SORCS3: variants seen among roughly 807,000 people sequenced by gnomAD.
The protein encoded by SORCS3 is VPS10 domain-containing receptor SorCS3.
Under a neutral mutation model 146.3 loss-of-function variants are expected in SORCS3, and 57 were observed. The observed-to-expected ratio is 0.39, with a 90% CI of 0.31 to 0.49. The LOEUF (loss-of-function observed/expected upper bound fraction) is 0.49, where lower values mean the gene tolerates loss of function less well. Among genes scored for constraint, SORCS3 ranks in the 20% least tolerant of loss-of-function variants. The pLI is 0.92. For missense variants in SORCS3, 1,341 were observed against 1,575.5 expected, an observed-to-expected ratio of 0.85 and a Z score of 2.52; for synonymous variants, 653 against 618.5, an observed-to-expected ratio of 1.06 and a Z score of -0.83.
intron 4 of SORCS3, among the ~76,000 whole-genome samples, chr10:105,014,112 C>CACAT (rs1564734934): frequency 1.4e-5 from 2 of 147,238 alleles, no homozygotes; most frequent in South Asian, 4.2e-4. Context: ...TATATATACA[C>CACAT]ATATATATAC....
intron 2 of SORCS3, among the ~76,000 whole-genome samples, chr10:104,912,604 T>A (rs1336007486): frequency 6.6e-6 from 1 of 152,210 alleles, no homozygotes; most frequent in Non-Finnish European, 1.5e-5. Flanking sequence ...GTTAAAAACT[T>A]GTGAGTAGGT....
chr10:104,745,654 A>T (rs1446774242), intron 1 of SORCS3, among the ~76,000 whole-genome samples: 1 of 152,202 alleles, frequency 6.6e-6, no homozygotes, highest in Non-Finnish European at 1.5e-5. Context: ...GACCACAGGC[A>T]CTATGCTGCG....
chr10:104,908,939 C>T (rs1589545380), intron 2 of SORCS3, among the ~76,000 whole-genome samples: 2 of 152,092 alleles, frequency 1.3e-5, no homozygotes, highest in South Asian at 4.1e-4. Context: ...GATGTGGCAG[C>T]CAGGCAGGGA....
At chr10:105,126,272 C>T (rs1004504872) in intron 7 of SORCS3, among the ~76,000 whole-genome samples, 6 of 152,106 alleles carry the variant, frequency 3.9e-5, no homozygotes, top group Non-Finnish European at 7.4e-5. Flanking sequence ...TCTTTCCATT[C>T]CCCCAAAACT....
At chr10:104,684,001 G>C (rs1288079235) in intron 1 of SORCS3, among the ~76,000 whole-genome samples, 1 of 152,174 alleles carries the variant, frequency 6.6e-6, no homozygotes, top group African/African-American at 2.4e-5. Flanking sequence ...AACAGAGAAT[G>C]TTGTCTACAT....
chr10:105,068,885 A>G (rs1380466332), intron 5 of SORCS3, among the ~76,000 whole-genome samples: 1 of 152,218 alleles, frequency 6.6e-6, no homozygotes, highest in Non-Finnish European at 1.5e-5. Context: ...ATGCCTTTAT[A>G]GATCATAAAG....
rs907480432 is a variant in SORCS3 at position 105,199,921 on chromosome 10, T to C, written c.2010-78T>C. ...CAGGCTGCAGTGAATCTCTATCTCCTTCCTAGTTTCTGTGCATTAGTGACT... is the reference window on the plus strand; with the variant it reads ...CAGGCTGCAGTGAATCTCTATCTCCCTCCTAGTTTCTGTGCATTAGTGACT... On this transcript the variant is annotated intron_variant, in intron 14 of 26. Transcript: ENST00000369701. 9.8e-6 allele frequency: 10 copies of C among 1,025,036 alleles called. No individual in the cohort carries two copies. The African/African-American group carries it at 1.4e-4, about 15-fold the overall frequency. 63.5% of individuals were successfully genotyped at this position (1,025,036 alleles called of 1,614,324 possible).
chr10:105,165,250 A>C (rs78741403), intron 12 of SORCS3, among the ~76,000 whole-genome samples: 4 of 152,124 alleles, frequency 2.6e-5, no homozygotes, highest in African/African-American at 9.7e-5. Flanking sequence ...TCAGGGTGAT[A>C]ATAATATTTT....
chr10:104,673,137 T>C (rs553650298), intron 1 of SORCS3, among the ~76,000 whole-genome samples: 1 of 152,312 alleles, frequency 6.6e-6, no homozygotes, highest in East Asian at 1.9e-4. Context: ...CCAGTGTGTT[T>C]GCATGTTTGG....
intron 14 of SORCS3, among the ~76,000 whole-genome samples, chr10:105,199,777 A>T (rs977950485): frequency 6.6e-6 from 1 of 152,182 alleles, no homozygotes; most frequent in African/African-American, 2.4e-5. Flanking sequence ...TTTGCAATTT[A>T]AAAAATGGTT....
In SORCS3 at chr10:105,200,125, C is replaced by T. The variant is rs1410224901; in HGVS notation, c.2127+9C>T. 2 of 1,603,766 alleles carry T rather than the reference C, an allele frequency of 1.2e-6. No individual in the cohort carries two copies. The highest frequency in any genetic ancestry group is 2.7e-5 in the African/African-American group (2 of 74,628). On this transcript the variant is annotated intron_variant, in intron 15 of 26. Transcript: ENST00000369701. ...GGCACCTGCTCAATCAGGTACACAC[C>T]CCAGGGAGTTGGAGTGCTGGCTTTG...
chr10:104,802,737 A>G (rs2017637795), intron 1 of SORCS3, among the ~76,000 whole-genome samples: 1 of 152,228 alleles, frequency 6.6e-6, no homozygotes, highest in African/African-American at 2.4e-5. Flanking sequence ...AGAGGTCACC[A>G]TTCTGGTAGT....
intron 14 of SORCS3, among the ~76,000 whole-genome samples, chr10:105,185,387 T>C (rs1158633000): frequency 6.6e-6 from 1 of 152,168 alleles, no homozygotes; most frequent in African/African-American, 2.4e-5. Context: ...TCCAACATTC[T>C]CCTGAAGCTG....
chr10:105,237,760 C>T (rs538801104), intron 20 of SORCS3, among the ~76,000 whole-genome samples: 5 of 152,216 alleles, frequency 3.3e-5, no homozygotes, highest in East Asian at 1.9e-4. Flanking sequence ...ATTTCTGGTA[C>T]GCATTGTGTA....
chr10:105,120,417 C>T (rs1719875972), intron 7 of SORCS3, among the ~76,000 whole-genome samples: 1 of 152,150 alleles, frequency 6.6e-6, no homozygotes, highest in South Asian at 2.1e-4. Flanking sequence ...ATCCCATCCC[C>T]TTTTACAGTG....
intron 2 of SORCS3, among the ~76,000 whole-genome samples, chr10:104,870,602 ACAG>A (rs1286538871): frequency 6.6e-6 from 1 of 152,170 alleles, no homozygotes; most frequent in Non-Finnish European, 1.5e-5. Flanking sequence ...AGGTCTGAGG[ACAG>A]CAAAGAACAA....
intron 25 of SORCS3, among the ~76,000 whole-genome samples, chr10:105,257,532 G>A (rs1248049891): frequency 2.0e-5 from 3 of 152,104 alleles, no homozygotes; most frequent in Non-Finnish European, 4.4e-5. Flanking sequence ...ATACTTATTA[G>A]AAACGTAAAA....
At position 105,257,373 on chromosome 10, in the gene SORCS3, A is replaced by G. The variant is rs746201558; in HGVS notation, c.3443+449A>G. Reference sequence around the variant, plus strand: ...TTACCTCCTGTTGCAGCTATTCAGCATCTCTCTTTAAATTTGCATGCTAAA... The same window carrying G: ...TTACCTCCTGTTGCAGCTATTCAGCGTCTCTCTTTAAATTTGCATGCTAAA... On this transcript the variant is annotated intron_variant, in intron 25 of 26. Coordinates refer to ENST00000369701, the MANE Select transcript of SORCS3 (RefSeq NM_014978.3). 2.2e-4 allele frequency among the ~76,000 whole-genome samples: 33 copies of G among 152,310 alleles called. No individual in the cohort carries two copies. The Middle Eastern group carries it at 0.01, about 47-fold the overall frequency.
intron 1 of SORCS3, among the ~76,000 whole-genome samples, chr10:104,676,730 C>T (rs2015916779): frequency 1.3e-5 from 2 of 152,148 alleles, no homozygotes; most frequent in Non-Finnish European, 2.9e-5. Flanking sequence ...CTCCCAAATC[C>T]TCCTGTAAGC....
Sources: gnomAD v4.1 joint callset for allele counts (sites outside exome capture counted in the v4.1 genomes callset) on GRCh38, gnomAD v4.1.1 for gene constraint, MANE v1.5 for transcripts, NCBI Gene and HGNC (gene_info 2026-07-23, HGNC 2026-07-21) for gene names.